Variants in SATB1 observed in about 807,000 individuals in gnomAD.
SATB1 encodes the protein DNA-binding protein SATB1.
In SATB1, 11 loss-of-function variants were observed where a neutral mutation model predicts 86.9. That is an observed-to-expected ratio of 0.13 (90% CI 0.08 to 0.21). SATB1 has a LOEUF of 0.21. SATB1 is among the 10% of genes least tolerant of loss of function. The pLI is 1.00. For synonymous variants in SATB1, 357 were observed against 357.2 expected (o/e 1.00, Z 0.01); for missense variants, 551 against 937.6 (o/e 0.59, Z 5.39).
intron 9 of SATB1, among the ~76,000 whole-genome samples, chr3:18,354,297 T>C (rs1175207749): frequency 6.6e-6 from 1 of 152,206 alleles, no homozygotes; most frequent in Non-Finnish European, 1.5e-5. Context: ...GCTATGTATG[T>C]TTTAGATAGA....
upstream of SATB1, among the ~76,000 whole-genome samples, chr3:18,442,662 T>C (rs1699271743): frequency 6.6e-6 from 1 of 152,112 alleles, no homozygotes; most frequent in Admixed American, 6.5e-5. Context: ...CTTGGAGAGG[T>C]AGTGAAAGAT....
At chr3:18,354,473 A>C (rs1694532550) in intron 9 of SATB1, among the ~76,000 whole-genome samples, 1 of 152,190 alleles carries the variant, frequency 6.6e-6, no homozygotes, top group Admixed American at 6.5e-5. Context: ...CATAAAGAAC[A>C]CAGAAGATTT....
chr3:18,398,255 GTAAT>G (rs1187219186), intron 5 of SATB1, among the ~76,000 whole-genome samples: 12 of 152,102 alleles, frequency 7.9e-5, no homozygotes, highest in Admixed American at 5.2e-4. Flanking sequence ...TTTGGTTACG[GTAAT>G]TTCAATGACT....
chr3:18,380,973 T>G (rs975099642), intron 8 of SATB1, among the ~76,000 whole-genome samples: 2 of 152,208 alleles, frequency 1.3e-5, no homozygotes, highest in Non-Finnish European at 2.9e-5. Context: ...TGTTCAGCTC[T>G]TCTCCGCAAA....
At position 18,348,227 on chromosome 3, in the gene SATB1, C is replaced by T. The variant is rs1575069454; in HGVS notation, c.*943G>A. The T allele has an allele frequency of 1.3e-5, 2 of 152,488 alleles. No individual in the cohort carries two copies. Among genetic ancestry groups the T allele is most frequent in the East Asian group, 1.9e-4 (1 of 5,204 alleles). The allele number at this position is 152,488 out of a possible 1,614,324, so 9.4% of individuals were successfully genotyped here. A position where few individuals can be genotyped will look rare whatever the true frequency, so the allele number is the denominator to read the frequency against. Reference sequence around the variant, plus strand: ...TAAGGTGATCTATTAGTTTTATTTACCTAAGCTTATTTGCATGATAGTAAA... The same window carrying T: ...TAAGGTGATCTATTAGTTTTATTTATCTAAGCTTATTTGCATGATAGTAAA... On this transcript the variant is annotated 3_prime_UTR_variant, in exon 11 of 11. Transcript: ENST00000338745.
At chr3:18,389,662 A>T (rs1320757794) in intron 7 of SATB1, among the ~76,000 whole-genome samples, 1 of 152,110 alleles carries the variant, frequency 6.6e-6, no homozygotes, top group East Asian at 1.9e-4. Context: ...GCCATCATGT[A>T]CCTTATTTAT....
chr3:18,364,006 C>G (rs1252047653), intron 9 of SATB1, among the ~76,000 whole-genome samples: 1 of 152,118 alleles, frequency 6.6e-6, no homozygotes, highest in East Asian at 1.9e-4. Context: ...TCATTGTTAC[C>G]TCTGTTTACA....
At chr3:18,385,294 A>C (rs1454499714) in intron 8 of SATB1, among the ~76,000 whole-genome samples, 1 of 152,178 alleles carries the variant, frequency 6.6e-6, no homozygotes, top group Non-Finnish European at 1.5e-5. Flanking sequence ...CCTTATTTTT[A>C]AGAGCTGTAA....
chr3:18,445,281 G>C, intron 1 of SATB1: 1 of 984,180 alleles, frequency 1.0e-6, no homozygotes, highest in Non-Finnish European at 1.2e-6. Context: ...GAGCCGAGCC[G>C]AGCCCGAGCC....
At position 18,394,379 on chromosome 3, in the gene SATB1, A is replaced by G. The variant is rs1050804157; in HGVS notation, c.1206+83T>C. 121 of 1,165,642 alleles carry G rather than the reference A, an allele frequency of 1.0e-4. No individual in the cohort carries two copies. Among genetic ancestry groups the G allele is most frequent in the Non-Finnish European group, 1.4e-4 (108 of 793,834 alleles). 72.2% of individuals were successfully genotyped at this position (1,165,642 alleles called of 1,614,324 possible). A position where few individuals can be genotyped will look rare whatever the true frequency, so the allele number is the denominator to read the frequency against. Reference sequence around the variant, plus strand: ...GAGAGAAAATGTTAGTACAGAAGTAAAAGAATAAACTTTAGTTATAGATGG... The same window carrying G: ...GAGAGAAAATGTTAGTACAGAAGTAGAAGAATAAACTTTAGTTATAGATGG... On this transcript the variant is annotated intron_variant, in intron 7 of 10. Coordinates refer to ENST00000338745, the MANE Select transcript of SATB1 (RefSeq NM_002971.6). The surrounding 1 kb of genome is among the most constrained non-coding windows in gnomAD (Gnocchi z 5.9).
rs1405426191 is a variant in SATB1, at chr3:18,352,837, T to C, written c.1576-642A>G. The C allele has an allele frequency of 6.6e-6, 1 of 152,472 alleles. No homozygotes were observed. The highest frequency in any genetic ancestry group is 6.5e-5 in the Admixed American group (1 of 15,320). 9.4% of individuals were successfully genotyped at this position (152,472 alleles called of 1,614,324 possible). A position where few individuals can be genotyped will look rare whatever the true frequency, so the allele number is the denominator to read the frequency against. The stretch of plus-strand genomic sequence containing the variant: ...TTCCGCCTGCTGCAGTGGGAGCATA[T>C]GATTTGTCAGGCAAGAATTTAATAG... On this transcript the variant is annotated intron_variant, in intron 9 of 10. Transcript: ENST00000338745. This position sits in a 1 kb window ranked among gnomAD's most constrained non-coding sequence, Gnocchi z 4.1.
intron 9 of SATB1, among the ~76,000 whole-genome samples, chr3:18,361,316 G>A (rs1260290240): frequency 2.0e-5 from 3 of 152,074 alleles, no homozygotes; most frequent in Non-Finnish European, 4.4e-5. Flanking sequence ...TTACCACTTA[G>A]TTCACAGGGT....
At chr3:18,430,116 T>C (rs150891292), upstream of SATB1, among the ~76,000 whole-genome samples, 1 of 152,330 alleles carries the variant, frequency 6.6e-6, no homozygotes, top group Non-Finnish European at 1.5e-5. Flanking sequence ...AATAGCCCCA[T>C]GTGACTAATA....
At chr3:18,410,161 C>G (rs779991597) in intron 5 of SATB1, among the ~76,000 whole-genome samples, 1 of 151,982 alleles carries the variant, frequency 6.6e-6, no homozygotes, top group Non-Finnish European at 1.5e-5. Flanking sequence ...AACAAGACAA[C>G]ATACAAACAA....
At position 18,349,848 on chromosome 3, in the gene SATB1, C is replaced by A. The variant is rs1694262672; in HGVS notation, c.1780-166G>T. The stretch of plus-strand genomic sequence containing the variant: ...CCGGCGAAATGGCCGACAGCATTTA[C>A]AAAAAAATCAAAATGATATGACTAG... On this transcript the variant is annotated intron_variant, in intron 10 of 10. Transcript: ENST00000338745. This position sits in a 1 kb window ranked among gnomAD's most constrained non-coding sequence, Gnocchi z 5.5. The A allele has an allele frequency of 8.2e-7, 1 of 1,220,004 alleles. No individual in the cohort carries two copies. The highest frequency in any genetic ancestry group is 1.1e-6 in the Non-Finnish European group (1 of 908,928). The allele number at this position is 1,220,004 out of a possible 1,614,324, so 75.6% of individuals were successfully genotyped here. A position where few individuals can be genotyped will look rare whatever the true frequency, so the allele number is the denominator to read the frequency against.
At chr3:18,445,535 A>T in exon 1 of SATB1, 1 of 985,046 alleles carries the variant, frequency 1.0e-6, no homozygotes, top group South Asian at 4.7e-5. Flanking sequence ...GGGGCCCCCA[A>T]CACGCGCACT....
intron 2 of SATB1, among the ~76,000 whole-genome samples, chr3:18,436,525 AT>A (rs753354970): frequency 1.1e-3 from 159 of 140,020 alleles, no homozygotes; most frequent in Non-Finnish European, 2.1e-3. Context: ...AAAAAAAAAA[AT>A]CATCCAATTA....
chr3:18,393,347 G>GT (rs869258747), intron 7 of SATB1, among the ~76,000 whole-genome samples: 18 of 142,138 alleles, frequency 1.3e-4, no homozygotes, highest in African/African-American at 4.0e-4. Context: ...TTTTGTTGTT[G>GT]TTTTTTGTTT....
chr3:18,389,136 G>T (rs192452851), intron 7 of SATB1, among the ~76,000 whole-genome samples: 5 of 151,980 alleles, frequency 3.3e-5, no homozygotes, highest in African/African-American at 1.2e-4. Flanking sequence ...TTATTCTACT[G>T]GAACAAGGTT....
Sources: gnomAD v4.1 joint callset for allele counts (sites outside exome capture counted in the v4.1 genomes callset) on GRCh38, gnomAD v4.1.1 for gene constraint, Gnocchi (gnomAD v3.1) non-coding constraint, MANE v1.5 for transcripts, NCBI Gene and HGNC (gene_info 2026-07-23, HGNC 2026-07-21) for gene names.